Variants in NUBPL observed in about 807,000 individuals in gnomAD.
NUBPL encodes the protein NUBP iron-sulfur cluster assembly factor, mitochondrial.
NUBPL carries 31 observed loss-of-function variants against 45.7 expected under a neutral mutation model. The observed-to-expected ratio is 0.68, with a 90% CI of 0.51 to 0.92. The LOEUF is 0.92. Among genes scored for constraint, NUBPL ranks in the 40% least tolerant of loss-of-function variants. The pLI is 0.00. For synonymous variants in NUBPL, 144 were observed against 140.9 expected, an observed-to-expected ratio of 1.02 and a Z score of -0.15; for missense variants, 401 against 398.7, an observed-to-expected ratio of 1.01 and a Z score of -0.05.
chr14:31,698,009 A>T lies in NUBPL; in HGVS notation c.513+24435A>T, dbSNP rs533920206. Among the ~76,000 whole-genome samples the T allele has an allele frequency of 4.9e-4, 74 of 152,310 alleles. 1 individual carries two copies. The South Asian group carries it at 0.015, about 32-fold the overall frequency. On this transcript the variant is annotated intron_variant, in intron 6 of 10. Transcript: ENST00000281081. The stretch of plus-strand genomic sequence containing the variant: ...CCAAGCAGGCGATGAGAAGAGTAAT[A>T]AATATTATTGGGGACTTCCAGTACT...
chr14:31,716,498 G>T (rs1042599602), intron 6 of NUBPL, among the ~76,000 whole-genome samples: 1 of 152,146 alleles, frequency 6.6e-6, no homozygotes, highest in Non-Finnish European at 1.5e-5. Context: ...GATGTCACTA[G>T]GCAATAGGAA....
intron 4 of NUBPL, among the ~76,000 whole-genome samples, chr14:31,652,835 G>A (rs2378934): frequency 6.6e-6 from 1 of 151,922 alleles, no homozygotes; most frequent in Non-Finnish European, 1.5e-5. Context: ...ATTGTGTATC[G>A]GGGGAACTCA....
chr14:31,660,397 T>C (rs1426470789), intron 4 of NUBPL, among the ~76,000 whole-genome samples: 1 of 152,182 alleles, frequency 6.6e-6, no homozygotes, highest in African/African-American at 2.4e-5. Flanking sequence ...GTCTGATTTC[T>C]CATTAGAAAG....
intron 10 of NUBPL, among the ~76,000 whole-genome samples, chr14:31,855,675 T>TA (rs2040606000): frequency 6.6e-6 from 1 of 151,710 alleles, no homozygotes; most frequent in African/African-American, 2.4e-5. Context: ...ACTTTTCTGG[T>TA]AAAATAAATC....
intron 6 of NUBPL, among the ~76,000 whole-genome samples, chr14:31,767,415 G>T (rs973450894): frequency 6.6e-6 from 1 of 151,974 alleles, no homozygotes; most frequent in Non-Finnish European, 1.5e-5. Context: ...CACCATCACC[G>T]TGTTAGCTAG....
chr14:31,738,410 A>C (rs1271721449), intron 6 of NUBPL, among the ~76,000 whole-genome samples: 2 of 152,224 alleles, frequency 1.3e-5, no homozygotes, highest in Admixed American at 1.3e-4. Context: ...CTGTGAACCT[A>C]GATCTCAGAT....
intron 4 of NUBPL, among the ~76,000 whole-genome samples, chr14:31,645,960 A>T (rs183427286): frequency 6.6e-6 from 1 of 152,112 alleles, no homozygotes; most frequent in Non-Finnish European, 1.5e-5. Flanking sequence ...TTATCTGTGT[A>T]CTAATCTTAC....
intron 6 of NUBPL, among the ~76,000 whole-genome samples, chr14:31,768,901 T>G (rs57356499): frequency 6.6e-6 from 1 of 152,122 alleles, no homozygotes; most frequent in Non-Finnish European, 1.5e-5. Context: ...ACTTATGCCA[T>G]GTATGTCAAT....
At chr14:31,617,414 G>A in intron 4 of NUBPL, among the ~76,000 whole-genome samples, 1 of 152,148 alleles carries the variant, frequency 6.6e-6, no homozygotes, top group East Asian at 1.9e-4. Flanking sequence ...CTGTGGGTTT[G>A]TCATAAATAG....
chr14:31,837,553 G>A, intron 8 of NUBPL, among the ~76,000 whole-genome samples: 1 of 152,160 alleles, frequency 6.6e-6, no homozygotes, highest in African/African-American at 2.4e-5. Flanking sequence ...AGAAAGAAAA[G>A]AAGAAGTTAA....
chr14:31,816,805 A>T (rs2039927265), intron 7 of NUBPL, among the ~76,000 whole-genome samples: 1 of 152,084 alleles, frequency 6.6e-6, no homozygotes, highest in Admixed American at 6.6e-5. Context: ...ATCATTCAGG[A>T]GCATGTTGTT....
At chr14:31,597,371 T>TAGGA (rs2034312092) in intron 3 of NUBPL, among the ~76,000 whole-genome samples, 1 of 152,302 alleles carries the variant, frequency 6.6e-6, no homozygotes, top group South Asian at 2.1e-4. Flanking sequence ...TAGCAAATGT[T>TAGGA]AGGAGAGATC....
At chr14:31,763,591 G>A (rs1340838523) in intron 6 of NUBPL, among the ~76,000 whole-genome samples, 4 of 152,078 alleles carry the variant, frequency 2.6e-5, no homozygotes, top group East Asian at 3.8e-4. Flanking sequence ...TTTTATGTTG[G>A]CAATCTGAAT....
At chr14:31,712,622 A>C (rs543769935) in intron 6 of NUBPL, among the ~76,000 whole-genome samples, 12 of 152,362 alleles carry the variant, frequency 7.9e-5, no homozygotes, top group African/African-American at 2.9e-4. Flanking sequence ...GAGTGCAGCC[A>C]GAGAGGATGC....
chr14:31,591,749 C>T (rs2034148566), intron 3 of NUBPL, among the ~76,000 whole-genome samples: 2 of 152,012 alleles, frequency 1.3e-5, no homozygotes, highest in South Asian at 4.1e-4. Flanking sequence ...AGAAGAGAGA[C>T]TTTCTTGAAA....
intron 7 of NUBPL, among the ~76,000 whole-genome samples, chr14:31,812,718 GAT>G (rs1225450534): frequency 1.3e-5 from 2 of 152,140 alleles, no homozygotes; most frequent in Non-Finnish European, 2.9e-5. Context: ...CTCCTGTGTG[GAT>G]CACACTGGGA....
chr14:31,630,234 C>G (rs1431462171), intron 4 of NUBPL, among the ~76,000 whole-genome samples: 1 of 152,064 alleles, frequency 6.6e-6, no homozygotes, highest in Non-Finnish European at 1.5e-5. Flanking sequence ...GTAGTAAAAT[C>G]CTGATTGTAA....
intron 4 of NUBPL, among the ~76,000 whole-genome samples, chr14:31,634,194 C>T (rs572956230): frequency 4.1e-4 from 61 of 150,134 alleles, no homozygotes; most frequent in African/African-American, 1.4e-3. Context: ...CCCATTAACT[C>T]GTCATTTAGC....
intron 6 of NUBPL, among the ~76,000 whole-genome samples, chr14:31,721,107 G>A (rs2037799066): frequency 6.6e-6 from 1 of 152,186 alleles, no homozygotes; most frequent in Admixed American, 6.5e-5. Context: ...TAATGGCAAT[G>A]TTCGGAGGCT....
Sources: allele counts gnomAD v4.1 joint callset (sites outside exome capture counted in the v4.1 genomes callset), GRCh38; gene constraint gnomAD v4.1.1; transcripts MANE v1.5; gene names NCBI Gene and HGNC (gene_info 2026-07-23, HGNC 2026-07-21).